Variants in NGEF observed in about 807,000 individuals in gnomAD.
NGEF encodes ephexin-1.
In NGEF, 31 loss-of-function variants were observed where a neutral mutation model predicts 80.9. The ratio of observed to expected loss-of-function variants is 0.38; its 90% CI spans 0.29 to 0.52. The LOEUF is 0.52. Ranked by LOEUF, NGEF falls within the 20% of genes least tolerant of loss-of-function variation. The pLI, the probability that NGEF is intolerant of heterozygous loss-of-function variation, is 0.84. For synonymous variants in NGEF, 371 were observed against 370.2 expected, an observed-to-expected ratio of 1.00 and a Z score of -0.03; for missense variants, 709 against 926.2, an observed-to-expected ratio of 0.77 and a Z score of 3.04.
At chr2:232,881,077 C>T (rs1691486530) in intron 14 of NGEF, 69 bp downstream of exon 14, 1 of 1,258,216 alleles carries the variant, frequency 7.9e-7, no homozygotes, top group African/African-American at 1.5e-5. Flanking sequence ...ATCTGCTTCT[C>T]CCCCTCCCCG....
rs746806255 is a variant in NGEF, at chr2:232,879,485, G to A, written c.*4C>T. The stretch of plus-strand genomic sequence containing the variant: ...CCTGCTCCCGCTGGCCCCCTGGGTG[G>A]GGGTCATTGCCGATTCCGGCTGCCC... On this transcript the variant is annotated 3_prime_UTR_variant, in exon 15 of 15. Coordinates refer to ENST00000264051, the MANE Select transcript of NGEF (RefSeq NM_019850.3). The A allele has an allele frequency of 6.2e-7, 1 of 1,604,608 alleles. No individual in the cohort carries two copies. Among genetic ancestry groups the A allele is most frequent in the Non-Finnish European group, 8.5e-7 (1 of 1,172,626 alleles).
intron 1 of NGEF, among the ~76,000 whole-genome samples, chr2:232,975,186 C>G (rs1196954368): frequency 6.6e-6 from 1 of 152,170 alleles, no homozygotes; most frequent in African/African-American, 2.4e-5. Context: ...TCCTAAGAGG[C>G]ACTTTTAGGG....
intron 1 of NGEF, among the ~76,000 whole-genome samples, chr2:233,006,459 C>A (rs2106346582): frequency 6.6e-6 from 1 of 152,270 alleles, no homozygotes; most frequent in Non-Finnish European, 1.5e-5. Context: ...GGGGCACCTC[C>A]AACTTAGCCA....
chr2:232,885,763 C>T (rs950282115), intron 9 of NGEF, among the ~76,000 whole-genome samples: 7 of 152,142 alleles, frequency 4.6e-5, no homozygotes, highest in African/African-American at 2.4e-5. Flanking sequence ...CTGGGGCTCC[C>T]GAGGACTCGT....
At chr2:232,898,240 C>T (rs1168976435) in intron 5 of NGEF, among the ~76,000 whole-genome samples, 3 of 152,236 alleles carry the variant, frequency 2.0e-5, no homozygotes, top group African/African-American at 7.2e-5. Context: ...CCCACAGCGC[C>T]ACATCACAGA....
chr2:232,988,355 C>T (rs1360542991), intron 1 of NGEF, among the ~76,000 whole-genome samples: 1 of 152,158 alleles, frequency 6.6e-6, no homozygotes, highest in Non-Finnish European at 1.5e-5. Flanking sequence ...ATACAAATCA[C>T]CCTTAAAATC....
chr2:232,990,329 A>T (rs1694625617), intron 1 of NGEF, among the ~76,000 whole-genome samples: 1 of 152,186 alleles, frequency 6.6e-6, no homozygotes, highest in African/African-American at 2.4e-5. Context: ...ATAAATACAA[A>T]CAACCTATAT....
At chr2:232,898,643 G>A (rs1692171582) in intron 5 of NGEF, among the ~76,000 whole-genome samples, 2 of 152,220 alleles carry the variant, frequency 1.3e-5, no homozygotes, top group African/African-American at 4.8e-5. Flanking sequence ...GAGGGATCCA[G>A]GCTCTGCTCG....
chr2:232,940,862 A>T (rs1693422516), intron 3 of NGEF, among the ~76,000 whole-genome samples: 1 of 152,206 alleles, frequency 6.6e-6, no homozygotes, highest in African/African-American at 2.4e-5. Flanking sequence ...GGTTGGTTGG[A>T]TTCTAATGAA....
At chr2:232,895,293 G>A (rs1424651009) in intron 5 of NGEF, among the ~76,000 whole-genome samples, 3 of 152,124 alleles carry the variant, frequency 2.0e-5, no homozygotes, top group African/African-American at 4.8e-5. Context: ...TTAGGAGGCC[G>A]AGGCGGGCAG....
chr2:232,950,643 C>T (rs56194420), intron 3 of NGEF, among the ~76,000 whole-genome samples: 23,817 of 152,230 alleles, frequency 0.16, 2,311 homozygotes, highest in Non-Finnish European at 0.2. Flanking sequence ...AGGGCAAAGC[C>T]TCCTCTTGGG....
chr2:232,979,964 T>C (rs1299914247), intron 1 of NGEF, among the ~76,000 whole-genome samples: 1 of 152,170 alleles, frequency 6.6e-6, no homozygotes, highest in East Asian at 1.9e-4. Context: ...ATGAGGCAGC[T>C]GCCACTCTCA....
chr2:232,907,320 C>T (rs571553533), intron 5 of NGEF, among the ~76,000 whole-genome samples: 8 of 152,056 alleles, frequency 5.3e-5, no homozygotes, highest in African/African-American at 1.4e-4. Context: ...TAATTCAGCA[C>T]GACCTGCTGC....
At chr2:232,899,908 ACAGT>A (rs1313144739) in intron 5 of NGEF, among the ~76,000 whole-genome samples, 2 of 121,444 alleles carry the variant, frequency 1.6e-5, no homozygotes, top group East Asian at 4.0e-4. Context: ...ACATGCTCTC[ACAGT>A]CACTCATATA....
At chr2:233,005,918 G>T (rs1251722373) in intron 1 of NGEF, among the ~76,000 whole-genome samples, 1 of 152,188 alleles carries the variant, frequency 6.6e-6, no homozygotes, top group Non-Finnish European at 1.5e-5. Flanking sequence ...CTGGGTTCAA[G>T]CGATTCTCCT....
chr2:232,996,220 C>T (rs564587164), intron 1 of NGEF, among the ~76,000 whole-genome samples: 10 of 152,132 alleles, frequency 6.6e-5, no homozygotes, highest in East Asian at 1.9e-4. Flanking sequence ...TCCAGCTACT[C>T]GGGAGGCTGA....
At chr2:232,901,488 T>A (rs1189529455) in intron 5 of NGEF, 1 of 957,008 alleles carries the variant, frequency 1.0e-6, no homozygotes, top group African/African-American at 1.8e-5. Context: ...TCTCTGATGC[T>A]GTGACCTTCG....
intron 3 of NGEF, among the ~76,000 whole-genome samples, chr2:232,967,022 C>T (rs910898869): frequency 6.6e-6 from 1 of 152,120 alleles, no homozygotes; most frequent in African/African-American, 2.4e-5. Context: ...TTGTCCCCAC[C>T]CAAATCTCAT....
chr2:233,000,336 A>G (rs1348254198), intron 1 of NGEF, among the ~76,000 whole-genome samples: 1 of 152,042 alleles, frequency 6.6e-6, no homozygotes, highest in African/African-American at 2.4e-5. Flanking sequence ...GGCTCAAGCG[A>G]TCCTCCTGCT....
Sources: allele counts gnomAD v4.1 joint callset (sites outside exome capture counted in the v4.1 genomes callset), GRCh38; gene constraint gnomAD v4.1.1; transcripts MANE v1.5; gene names NCBI Gene and HGNC (gene_info 2026-07-23, HGNC 2026-07-21).